Variants in IFTAP observed in about 807,000 individuals in gnomAD.
IFTAP encodes intraflagellar transport associated protein, also known as intraflagellar transport-associated protein.
In IFTAP, 19 loss-of-function variants were observed where a neutral mutation model predicts 19.4. The ratio of observed to expected loss-of-function variants is 0.98; its 90% CI spans 0.68 to 1.44. The LOEUF (loss-of-function observed/expected upper bound fraction) is 1.44. Among genes scored for constraint, IFTAP ranks in the 40% most tolerant of loss-of-function variants. The probability of loss-of-function intolerance (pLI) is 0.00; values close to 1 mark genes in which losing one functional copy is unlikely to be tolerated. For missense variants in IFTAP, 240 were observed against 253.6 expected (o/e 0.95, Z 0.36); for synonymous variants, 85 against 83.5 (o/e 1.02, Z -0.10).
intron 2 of IFTAP, among the ~76,000 whole-genome samples, chr11:36,625,196 T>G (rs1026225558): frequency 6.6e-6 from 1 of 152,160 alleles, no homozygotes; most frequent in Non-Finnish European, 1.5e-5. Flanking sequence ...AAAATAGATA[T>G]AATAACTTCT....
intron 2 of IFTAP, among the ~76,000 whole-genome samples, chr11:36,611,107 G>A (rs549255142): frequency 4.6e-5 from 7 of 152,138 alleles, no homozygotes; most frequent in East Asian, 3.9e-4. Flanking sequence ...AGTTTGTCAC[G>A]CTCTCTGGCA....
chr11:36,605,950 A>G (rs1325867135), intron 1 of IFTAP, among the ~76,000 whole-genome samples: 2 of 152,204 alleles, frequency 1.3e-5, no homozygotes, highest in Admixed American at 6.5e-5. Flanking sequence ...GTGAATGGTA[A>G]TTGAAAATGC....
chr11:36,613,619 C>G (rs12417768), intron 2 of IFTAP, among the ~76,000 whole-genome samples: 17,252 of 151,956 alleles, frequency 0.11, 1,156 homozygotes, highest in African/African-American at 0.17. Flanking sequence ...TTTGGAGGGA[C>G]GGCAATAAAG....
In IFTAP at chr11:36,595,945, A is replaced by G. The variant is rs117211111; in HGVS notation, c.-24+1353A>G. ...AAACATATATGATGAGGGTGCTGGT[A>G]GTAGTTAATTTATTAACAGAAGATA... On this transcript the variant is annotated intron_variant, in intron 1 of 5. Coordinates refer to ENST00000334307, the MANE Select transcript of IFTAP (RefSeq NM_138787.4). 5.6e-4 allele frequency among the ~76,000 whole-genome samples: 85 copies of G among 152,344 alleles called. 1 individual carries two copies. In the East Asian group the frequency reaches 0.016, roughly 29 times the overall value.
intron 2 of IFTAP, among the ~76,000 whole-genome samples, chr11:36,617,719 TG>T (rs1475282810): frequency 6.6e-6 from 1 of 152,032 alleles, no homozygotes; most frequent in Non-Finnish European, 1.5e-5. Flanking sequence ...GCTAAGTATT[TG>T]TCTCGAGTAA....
At chr11:36,611,429 A>C (rs966313895) in intron 2 of IFTAP, among the ~76,000 whole-genome samples, 2 of 152,108 alleles carry the variant, frequency 1.3e-5, no homozygotes, top group Non-Finnish European at 2.9e-5. Context: ...TATGTACTCA[A>C]GGGTGAGAAC....
chr11:36,623,366 A>C (rs1008403465), intron 2 of IFTAP, among the ~76,000 whole-genome samples: 26 of 140,914 alleles, frequency 1.8e-4, no homozygotes, highest in African/African-American at 6.8e-4. Context: ...TCCCCCCCCC[A>C]CTCAAAGCAT....
intron 2 of IFTAP, among the ~76,000 whole-genome samples, chr11:36,617,764 G>A (rs1852146005): frequency 1.3e-5 from 2 of 151,938 alleles, no homozygotes; most frequent in Non-Finnish European, 2.9e-5. Context: ...CAAAGAATTA[G>A]CTATTATTCT....
chr11:36,610,602 G>A (rs1282261794), intron 2 of IFTAP, among the ~76,000 whole-genome samples: 1 of 152,106 alleles, frequency 6.6e-6, no homozygotes, highest in Admixed American at 6.6e-5. Context: ...TATAGACTAT[G>A]GGATTACACT....
chr11:36,648,138 GACAA>G lies in IFTAP; in HGVS notation c.485_488del (p.Lys162ArgfsTer24). On this transcript the variant is annotated frameshift_variant, in exon 5 of 6. Transcript: ENST00000334307. LOFTEE classifies it low-confidence loss of function (END_TRUNC). ...GCCAAAGCCCAGTGTTAAAAGAATGGACAAACAGACGGAAGAGGTACTCCACAGG... is the reference window on the plus strand; with the variant it reads ...GCCAAAGCCCAGTGTTAAAAGAATGGACAGACGGAAGAGGTACTCCACAGG... The G allele has an allele frequency of 1.9e-6, 3 of 1,612,876 alleles. No homozygotes were observed. Among genetic ancestry groups the G allele is most frequent in the Non-Finnish European group, 2.5e-6 (3 of 1,179,322 alleles).
chr11:36,610,430 A>G (rs1049749897), intron 2 of IFTAP, among the ~76,000 whole-genome samples, 191 bp downstream of exon 2: 2 of 152,188 alleles, frequency 1.3e-5, no homozygotes. Context: ...GTCTTCATAC[A>G]TCCAAGAGTT....
intron 4 of IFTAP, among the ~76,000 whole-genome samples, chr11:36,642,089 A>T (rs183788655): frequency 1.3e-3 from 204 of 152,266 alleles, no homozygotes; most frequent in South Asian, 0.011. Context: ...AGAGACTAGG[A>T]TAAAATTGAT....
At chr11:36,627,156 A>T (rs998817135) in intron 2 of IFTAP, among the ~76,000 whole-genome samples, 1 of 151,288 alleles carries the variant, frequency 6.6e-6, no homozygotes, top group Admixed American at 6.6e-5. Context: ...AACAAAAAAT[A>T]GATTAATGGT....
intron 1 of IFTAP, chr11:36,597,876 C>T (rs543644653): frequency 2.6e-5 from 4 of 151,986 alleles, no homozygotes; most frequent in South Asian, 2.1e-4. Context: ...GATTTATGTA[C>T]GAAGATTAAT....
At chr11:36,648,844 A>T (rs563933834) in intron 5 of IFTAP, among the ~76,000 whole-genome samples, 73 of 152,266 alleles carry the variant, frequency 4.8e-4, no homozygotes, top group African/African-American at 1.7e-3. Flanking sequence ...ACTTAGTCAC[A>T]TGTTCATACT....
intron 1 of IFTAP, among the ~76,000 whole-genome samples, chr11:36,607,832 C>G (rs1378266294): frequency 1.3e-5 from 2 of 152,126 alleles, no homozygotes; most frequent in Non-Finnish European, 2.9e-5. Context: ...TGCCACCATG[C>G]CTGGCTAATT....
At chr11:36,636,894 G>A (rs1186174815) in intron 4 of IFTAP, among the ~76,000 whole-genome samples, 4 of 150,658 alleles carry the variant, frequency 2.7e-5, no homozygotes, top group Admixed American at 2.0e-4. Context: ...TTTCTCGAAG[G>A]ATGTTTGAAA....
chr11:36,595,474 AG>A (rs1851180691), intron 1 of IFTAP, among the ~76,000 whole-genome samples: 1 of 152,268 alleles, frequency 6.6e-6, no homozygotes, highest in South Asian at 2.1e-4. Flanking sequence ...AACAAAACAT[AG>A]CACAGATTTC....
At chr11:36,633,773 G>A (rs762178798) in intron 3 of IFTAP, among the ~76,000 whole-genome samples, 1 of 151,966 alleles carries the variant, frequency 6.6e-6, no homozygotes, top group Non-Finnish European at 1.5e-5. Context: ...TGTAAAATGG[G>A]ACTTTCTTTC....
Sources: gnomAD v4.1 joint callset for allele counts (sites outside exome capture counted in the v4.1 genomes callset) on GRCh38, gnomAD v4.1.1 for gene constraint, MANE v1.5 for transcripts, NCBI Gene and HGNC (gene_info 2026-07-23, HGNC 2026-07-21) for gene names.